VSTM5: variants seen among roughly 807,000 people sequenced by gnomAD.
The protein encoded by VSTM5 is V-set and transmembrane domain containing 5.
VSTM5 carries 21 observed loss-of-function variants against 20.3 expected under a neutral mutation model. The ratio of observed to expected loss-of-function variants is 1.03; its 90% CI spans 0.73 to 1.49. The LOEUF (loss-of-function observed/expected upper bound fraction) is 1.49. Ranked by LOEUF, VSTM5 falls within the 40% of genes most tolerant of loss-of-function variation. The pLI, the probability that VSTM5 is intolerant of heterozygous loss-of-function variation, is 0.00. For missense variants in VSTM5, 219 were observed against 250.0 expected (o/e 0.88, Z 0.84); for synonymous variants, 100 against 102.5 (o/e 0.98, Z 0.14).
At chr11:93,828,419 G>A (rs1944255250) in intron 1 of VSTM5, among the ~76,000 whole-genome samples, 1 of 152,134 alleles carries the variant, frequency 6.6e-6, no homozygotes, top group African/African-American at 2.4e-5. Flanking sequence ...ACACTCAGAA[G>A]GGTTACTTAC....
At chr11:93,850,356 G>A (rs1237326615) in intron 1 of VSTM5, 56 bp downstream of exon 1, 22 of 1,236,048 alleles carry the variant, frequency 1.8e-5, no homozygotes, top group South Asian at 1.5e-4. Context: ...GGCCCCGCCC[G>A]TGCCCCCCTA....
In VSTM5 at chr11:93,820,833, C is replaced by T. The variant is rs751666420; in HGVS notation, c.469G>A (p.Ala157Thr). The stretch of plus-strand genomic sequence containing the variant: ...CTGATTAATACTGCGGCCACAGCAG[C>T]GAGAAAAGCAAGGATGACAGCGACA... Reference protein sequence around the residue: ...HFVAVILAFLAAVAAVLISLM... With the variant: ...HFVAVILAFLTAVAAVLISLM... Residue 157 changes from alanine to threonine, a missense_variant, in exon 3 of 4, where the codon GCT (alanine) becomes ACT (threonine). Coordinates refer to ENST00000409977, the MANE Select transcript of VSTM5 (RefSeq NM_001144871.2). 23 of 1,550,614 alleles carry T rather than the reference C, an allele frequency of 1.5e-5. No individual in the cohort carries two copies. The highest frequency in any genetic ancestry group is 2.0e-5 in the Non-Finnish European group (23 of 1,146,996).
intron 1 of VSTM5, among the ~76,000 whole-genome samples, chr11:93,843,838 C>T (rs951126436): frequency 2.0e-5 from 3 of 152,122 alleles, no homozygotes; most frequent in African/African-American, 2.4e-5. Context: ...ACTCCTCACC[C>T]CCAATTCCAG....
Position 93,820,034 on chromosome 11 carries a change from G to C in VSTM5, c.*535C>G, listed in dbSNP as rs1453277026. The C allele has an allele frequency of 6.2e-6, 1 of 160,674 alleles. No homozygotes were observed. The highest frequency in any genetic ancestry group is 1.4e-5 in the Non-Finnish European group (1 of 73,744). 10.0% of individuals were successfully genotyped at this position (160,674 alleles called of 1,614,324 possible). A position where few individuals can be genotyped will look rare whatever the true frequency, so the allele number is the denominator to read the frequency against. On this transcript the variant is annotated 3_prime_UTR_variant, in exon 4 of 4. Coordinates refer to ENST00000409977, the MANE Select transcript of VSTM5 (RefSeq NM_001144871.2). Reference sequence around the variant, plus strand: ...CCCAGTCTCTTTCCACCTCTGCTCTGAGGCAGCAGATTGTCTAAAAGCCTC... The same window carrying C: ...CCCAGTCTCTTTCCACCTCTGCTCTCAGGCAGCAGATTGTCTAAAAGCCTC...
At chr11:93,838,386 C>A (rs533413111) in intron 1 of VSTM5, among the ~76,000 whole-genome samples, 2 of 151,996 alleles carry the variant, frequency 1.3e-5, no homozygotes, top group African/African-American at 2.4e-5. Flanking sequence ...GCAGGAGAAT[C>A]GCTTGAACCC....
At chr11:93,848,067 CA>C (rs1441617320) in intron 1 of VSTM5, among the ~76,000 whole-genome samples, 1 of 152,190 alleles carries the variant, frequency 6.6e-6, no homozygotes, top group Non-Finnish European at 1.5e-5. Flanking sequence ...AATACCATCA[CA>C]TTGGAGGTTA....
At position 93,850,556 on chromosome 11, in the gene VSTM5, A is replaced by T; in HGVS notation, c.-54T>A. Reference sequence around the variant, plus strand: ...GTGTGTGCTGGCCGCACCGCGCTGCAGCTCCTATGCAGCCTTCTCTCTTCC... The same window carrying T: ...GTGTGTGCTGGCCGCACCGCGCTGCTGCTCCTATGCAGCCTTCTCTCTTCC... On this transcript the variant is annotated 5_prime_UTR_variant, in exon 1 of 4. Coordinates refer to ENST00000409977, the MANE Select transcript of VSTM5 (RefSeq NM_001144871.2). The T allele has an allele frequency of 7.3e-7, 1 of 1,375,314 alleles. No homozygotes were observed. The highest frequency in any genetic ancestry group is 9.9e-7 in the Non-Finnish European group (1 of 1,007,346). 85.2% of individuals were successfully genotyped at this position (1,375,314 alleles called of 1,614,324 possible).
intron 1 of VSTM5, 97 bp downstream of exon 1, chr11:93,850,315 G>T: frequency 1.9e-6 from 2 of 1,073,660 alleles, no homozygotes; most frequent in South Asian, 1.5e-5. Context: ...CAAGGTGGGC[G>T]AGGGCCAGGG....
intron 1 of VSTM5, among the ~76,000 whole-genome samples, chr11:93,822,308 C>G (rs1944194044): frequency 2.0e-5 from 3 of 152,040 alleles, no homozygotes; most frequent in South Asian, 4.1e-4. Flanking sequence ...GTCTCAAACT[C>G]CCGACCTCAT....
Position 93,820,403 on chromosome 11 carries a change from A to G in VSTM5, c.*166T>C. On this transcript the variant is annotated 3_prime_UTR_variant, in exon 4 of 4. Coordinates refer to ENST00000409977, the MANE Select transcript of VSTM5 (RefSeq NM_001144871.2). ...CGAGTCCTAATACTAGCTTTGTCCC[A>G]TCCACAGTCCTCAACTCCATGCAGT... 2.8e-6 allele frequency: 2 copies of G among 707,836 alleles called. No individual in the cohort carries two copies. The highest frequency in any genetic ancestry group is 5.5e-5 in the East Asian group (2 of 36,598). The allele number at this position is 707,836 out of a possible 1,614,324, so 43.8% of individuals were successfully genotyped here.
intron 1 of VSTM5, among the ~76,000 whole-genome samples, chr11:93,832,970 A>G (rs1186045362): frequency 6.6e-6 from 1 of 152,192 alleles, no homozygotes; most frequent in African/African-American, 2.4e-5. Flanking sequence ...TGGGAGACAG[A>G]TATGACAAAA....
intron 1 of VSTM5, among the ~76,000 whole-genome samples, chr11:93,838,627 T>TA (rs56088617): frequency 0.013 from 1,205 of 93,186 alleles, 27 homozygotes; most frequent in African/African-American, 0.041. Flanking sequence ...TCCCGTCTCT[T>TA]AAAAAAAAAA....
chr11:93,843,261 C>T (rs1364239071), intron 1 of VSTM5, among the ~76,000 whole-genome samples: 1 of 152,102 alleles, frequency 6.6e-6, no homozygotes, highest in Non-Finnish European at 1.5e-5. Context: ...TTAAGGGTCC[C>T]ATTTCTGTGT....
At chr11:93,823,145 G>T (rs1410892349) in intron 1 of VSTM5, among the ~76,000 whole-genome samples, 1 of 151,716 alleles carries the variant, frequency 6.6e-6, no homozygotes, top group Non-Finnish European at 1.5e-5. Context: ...GAAACTGGCT[G>T]ACTGGTTCTT....
At chr11:93,841,504 G>A (rs1944369873) in intron 1 of VSTM5, among the ~76,000 whole-genome samples, 1 of 152,176 alleles carries the variant, frequency 6.6e-6, no homozygotes, top group South Asian at 2.1e-4. Context: ...CTAACACAGT[G>A]GTTCTCAGCA....
intron 1 of VSTM5, among the ~76,000 whole-genome samples, chr11:93,841,689 C>G (rs1944371459): frequency 6.6e-6 from 1 of 152,234 alleles, no homozygotes; most frequent in African/African-American, 2.4e-5. Flanking sequence ...AGGATGCCCT[C>G]AGGGTCCCAG....
chr11:93,820,490 G>A lies in VSTM5; in HGVS notation c.*79C>T, dbSNP rs1944171087. On this transcript the variant is annotated 3_prime_UTR_variant, in exon 4 of 4. Coordinates refer to ENST00000409977, the MANE Select transcript of VSTM5 (RefSeq NM_001144871.2). ...GGCTGCAACAGGACCACACACAATG[G>A]GTATAATAGCTGTGCTTGCTCTTTT... is the stretch of plus-strand genomic sequence containing the variant. 7 of 1,472,472 alleles carry A rather than the reference G, an allele frequency of 4.8e-6. No homozygotes were observed. Among genetic ancestry groups the A allele is most frequent in the Non-Finnish European group, 6.5e-6 (7 of 1,078,550 alleles). The allele number at this position is 1,472,472 out of a possible 1,614,324, so 91.2% of individuals were successfully genotyped here. A position where few individuals can be genotyped will look rare whatever the true frequency, so the allele number is the denominator to read the frequency against.
chr11:93,820,329 C>T lies in VSTM5; in HGVS notation c.*240G>A, dbSNP rs551783732. 42 of 530,752 alleles carry T rather than the reference C, an allele frequency of 7.9e-5. No individual in the cohort carries two copies. Among genetic ancestry groups the T allele is most frequent in the African/African-American group, 2.3e-4 (12 of 52,400 alleles). The allele number at this position is 530,752 out of a possible 1,614,324, so 32.9% of individuals were successfully genotyped here. ...GCACGGCCCTGATGCTGCAGCCAAG[C>T]GAAGCTCCTGGTTCAAAGCCTCAAT... is the stretch of plus-strand genomic sequence containing the variant. On this transcript the variant is annotated 3_prime_UTR_variant, in exon 4 of 4. Transcript: ENST00000409977.
Position 93,850,552 on chromosome 11 carries a change from C to T in VSTM5, c.-50G>A. The T allele has an allele frequency of 7.1e-7, 1 of 1,404,814 alleles. No homozygotes were observed. The allele number at this position is 1,404,814 out of a possible 1,614,324, so 87.0% of individuals were successfully genotyped here. A position where few individuals can be genotyped will look rare whatever the true frequency, so the allele number is the denominator to read the frequency against. ...CGGGGTGTGTGCTGGCCGCACCGCG[C>T]TGCAGCTCCTATGCAGCCTTCTCTC... On this transcript the variant is annotated 5_prime_UTR_variant, in exon 1 of 4. Transcript: ENST00000409977.
Sources: allele counts gnomAD v4.1 joint callset (sites outside exome capture counted in the v4.1 genomes callset), GRCh38; gene constraint gnomAD v4.1.1; transcripts MANE v1.5; gene names NCBI Gene and HGNC (gene_info 2026-07-23, HGNC 2026-07-21).